PAM: variants seen among roughly 807,000 people sequenced by gnomAD.
PAM encodes peptidylglycine alpha-amidating monooxygenase, also known as peptidyl-glycine alpha-amidating monooxygenase.
PAM carries 72 observed loss-of-function variants against 122.1 expected under a neutral mutation model. The ratio of observed to expected loss-of-function variants is 0.59; its 90% CI spans 0.49 to 0.72. PAM has a LOEUF of 0.72. Among genes scored for constraint, PAM ranks in the 30% least tolerant of loss-of-function variants. PAM has a pLI of 0.00. For synonymous variants in PAM, 389 were observed against 404.4 expected (o/e 0.96, Z 0.46); for missense variants, 1,106 against 1,183.7 (o/e 0.93, Z 0.96).
rs57617414 is a variant in PAM at position 102,836,859 on chromosome 5, C to CGAGAGAGAGAGAGAGAGAGAGA, written c.-373-28946_-373-28925dup. On this transcript the variant is annotated intron_variant, in intron 1 of 25. Coordinates refer to ENST00000438793, the MANE Select transcript of PAM (RefSeq NM_001177306.2). ...ATTATGGATGGACCAAGAAAGAAAC[C>CGAGAGAGAGAGAGAGAGAGAGA]GAGAGAGAGAGAGAGAGAGAGAGAG... Among the ~76,000 whole-genome samples the CGAGAGAGAGAGAGAGAGAGAGA allele has an allele frequency of 1.0e-3, 125 of 120,824 alleles. 3 individuals carry two copies. The highest frequency in any genetic ancestry group is 1.0e-2 in the South Asian group (30 of 3,004). The allele number at this position is 120,824 out of a possible 152,430, so 79.3% of individuals were successfully genotyped here. A position where few individuals can be genotyped will look rare whatever the true frequency, so the allele number is the denominator to read the frequency against.
intron 14 of PAM, among the ~76,000 whole-genome samples, chr5:102,964,707 A>T (rs1015075938): frequency 6.6e-6 from 1 of 151,658 alleles, no homozygotes; most frequent in Admixed American, 6.6e-5. Context: ...TGAAATATAT[A>T]TTATGCATAT....
chr5:102,787,500 T>A (rs369496447), intron 1 of PAM, among the ~76,000 whole-genome samples: 3 of 151,442 alleles, frequency 2.0e-5, no homozygotes, highest in East Asian at 3.9e-4. Context: ...TTCTATACCT[T>A]TCACTAAGCC....
intron 3 of PAM, among the ~76,000 whole-genome samples, chr5:102,889,545 T>A (rs191770539): frequency 2.6e-5 from 4 of 152,066 alleles, no homozygotes; most frequent in East Asian, 1.9e-4. Flanking sequence ...TTCTTCTGAA[T>A]TGCCCCCTTT....
At chr5:103,005,941 T>C (rs763357528) in intron 18 of PAM, among the ~76,000 whole-genome samples, 1 of 150,122 alleles carries the variant, frequency 6.7e-6, no homozygotes, top group East Asian at 1.9e-4. Flanking sequence ...GTTGCTGTTG[T>C]TGTTGTTGTT....
chr5:103,028,755 C>T, intron 25 of PAM, 132 bp from the exon 26 acceptor site: 1 of 617,312 alleles, frequency 1.6e-6, no homozygotes, highest in Non-Finnish European at 2.8e-6. Flanking sequence ...GTCTGTTTTT[C>T]TATTTTATTT....
At chr5:102,844,563 G>C (rs974628548) in intron 1 of PAM, among the ~76,000 whole-genome samples, 1 of 152,074 alleles carries the variant, frequency 6.6e-6, no homozygotes, top group African/African-American at 2.4e-5. Context: ...AGCTACTGGG[G>C]AGTCTATGGT....
rs1256861047 is a variant in PAM at position 103,029,670 on chromosome 5, T to C, written c.*605T>C. The C allele has an allele frequency of 6.6e-6, 1 of 152,636 alleles. No homozygotes were observed. The highest frequency in any genetic ancestry group is 2.4e-5 in the African/African-American group (1 of 41,448). 9.5% of individuals were successfully genotyped at this position (152,636 alleles called of 1,614,324 possible). ...TGGTTACACTGTTAGAACACTATTT[T>C]CAGAATCTGAATGTAATTTGTGTAA... On this transcript the variant is annotated 3_prime_UTR_variant, in exon 26 of 26. Coordinates refer to ENST00000438793, the MANE Select transcript of PAM (RefSeq NM_001177306.2).
chr5:102,922,595 G>A (rs906259265), intron 5 of PAM, among the ~76,000 whole-genome samples: 1 of 152,178 alleles, frequency 6.6e-6, no homozygotes, highest in Non-Finnish European at 1.5e-5. Flanking sequence ...ATAATCAAAT[G>A]TATAACTTAG....
At chr5:102,995,029 G>A (rs1332354780) in intron 16 of PAM, among the ~76,000 whole-genome samples, 1 of 152,088 alleles carries the variant, frequency 6.6e-6, no homozygotes, top group Non-Finnish European at 1.5e-5. Context: ...CTTTTGCCAA[G>A]ATCTATTGTT....
chr5:103,021,704 T>C (rs954172353), intron 23 of PAM, among the ~76,000 whole-genome samples: 6 of 152,176 alleles, frequency 3.9e-5, no homozygotes, highest in African/African-American at 1.4e-4. Context: ...ATGGCTCTCA[T>C]TAAACCTTTA....
At chr5:102,814,332 G>T (rs1768928435) in intron 1 of PAM, among the ~76,000 whole-genome samples, 1 of 152,030 alleles carries the variant, frequency 6.6e-6, no homozygotes, top group African/African-American at 2.4e-5. Flanking sequence ...GAGTCAGGTG[G>T]CATTGTTTAC....
intron 14 of PAM, among the ~76,000 whole-genome samples, chr5:102,973,883 C>T (rs2150437886): frequency 6.6e-6 from 1 of 152,090 alleles, no homozygotes; most frequent in South Asian, 2.1e-4. Context: ...ATTATTTTTT[C>T]TACTAATATG....
At chr5:102,913,254 A>G (rs1801985630) in intron 4 of PAM, among the ~76,000 whole-genome samples, 1 of 151,974 alleles carries the variant, frequency 6.6e-6, no homozygotes, top group African/African-American at 2.4e-5. Context: ...TCTTTTAATT[A>G]TGCACTTGTT....
At chr5:102,879,162 C>T (rs1790180529) in intron 3 of PAM, among the ~76,000 whole-genome samples, 3 of 152,216 alleles carry the variant, frequency 2.0e-5, no homozygotes, top group Middle Eastern at 3.4e-3. Context: ...GATCTCCTGA[C>T]CTCGTGATCT....
chr5:103,021,078 G>C (rs1783410024), intron 23 of PAM, among the ~76,000 whole-genome samples: 1 of 152,060 alleles, frequency 6.6e-6, no homozygotes, highest in Non-Finnish European at 1.5e-5. Context: ...AGAAACAATG[G>C]GCTATACAGA....
rs147088933 is a variant in PAM, at chr5:102,785,236, C to T, written c.-374+29888C>T. ...CTAGTAAGAAATGCAGATATCTGGG[C>T]CCCTTCCCAGTTTCACTTAATAAGA... On this transcript the variant is annotated intron_variant, in intron 1 of 25. Transcript: ENST00000438793. Among the ~76,000 whole-genome samples the T allele has an allele frequency of 5.5e-3, 834 of 152,226 alleles. 5 individuals carry two copies. Among genetic ancestry groups the T allele is most frequent in the African/African-American group, 0.019 (779 of 41,508 alleles).
intron 15 of PAM, among the ~76,000 whole-genome samples, chr5:102,981,121 A>G (rs895590617): frequency 2.6e-5 from 4 of 152,210 alleles, no homozygotes; most frequent in Admixed American, 2.0e-4. Context: ...CTATGCGTCC[A>G]TATTTTTTTG....
intron 3 of PAM, among the ~76,000 whole-genome samples, chr5:102,880,284 G>GA (rs549280640): frequency 4.5e-4 from 62 of 138,526 alleles, no homozygotes; most frequent in African/African-American, 1.2e-3. Context: ...CTGTCTCAAG[G>GA]AAAAAAAAAA....
chr5:102,990,497 G>C (rs928233276), intron 16 of PAM, 96 bp downstream of exon 16: 3 of 912,842 alleles, frequency 3.3e-6, no homozygotes, highest in Non-Finnish European at 3.1e-6. Flanking sequence ...GAACTATAAA[G>C]GTTTTTTAGA....
Sources: gnomAD v4.1 joint callset for allele counts (sites outside exome capture counted in the v4.1 genomes callset) on GRCh38, gnomAD v4.1.1 for gene constraint, MANE v1.5 for transcripts, NCBI Gene and HGNC (gene_info 2026-07-23, HGNC 2026-07-21) for gene names.